Variants in LASP1 observed in about 807,000 individuals in gnomAD.
LASP1 encodes LIM and SH3 domain protein 1.
A neutral mutation model predicts 38.6 loss-of-function variants in LASP1; 10 were observed. The ratio of observed to expected loss-of-function variants is 0.26; its 90% CI spans 0.16 to 0.44. LASP1 has a LOEUF of 0.44. Ranked by LOEUF, LASP1 falls within the 20% of genes least tolerant of loss-of-function variation. LASP1 has a pLI of 1.00. For synonymous variants in LASP1, 132 were observed against 140.8 expected, an observed-to-expected ratio of 0.94 and a Z score of 0.44; for missense variants, 243 against 375.7, an observed-to-expected ratio of 0.65 and a Z score of 2.92.
chr17:38,880,347 T>G (rs933637539), intron 2 of LASP1, among the ~76,000 whole-genome samples: 7 of 152,250 alleles, frequency 4.6e-5, no homozygotes, highest in African/African-American at 1.7e-4. Flanking sequence ...TTTTACTGTC[T>G]TCTTGGGAAG....
intron 4 of LASP1, among the ~76,000 whole-genome samples, chr17:38,907,577 C>T (rs537616697): frequency 2.6e-4 from 39 of 152,214 alleles, no homozygotes; most frequent in Non-Finnish European, 4.6e-4. Flanking sequence ...CGTGTCCGGC[C>T]CATTTTTTAG....
intron 2 of LASP1, among the ~76,000 whole-genome samples, chr17:38,889,744 C>T (rs928866396): frequency 1.4e-4 from 21 of 152,184 alleles, no homozygotes; most frequent in South Asian, 2.1e-4. Context: ...ATCTGAAACA[C>T]GTCTGGTCCT....
At chr17:38,872,307 G>C (rs1458247090) in intron 1 of LASP1, among the ~76,000 whole-genome samples, 1 of 152,128 alleles carries the variant, frequency 6.6e-6, no homozygotes. Flanking sequence ...ACTCCCCTTG[G>C]AAAGACCTTC....
In LASP1 at chr17:38,907,903, A is replaced by G. The variant is rs193200073; in HGVS notation, c.358-6422A>G. On this transcript the variant is annotated intron_variant, in intron 4 of 6. Transcript: ENST00000318008. ...GGACCGCCTGGGAGCAGATGGTACC[A>G]TGGCCTTATTTACAGATGAGGAAAC... Among the ~76,000 whole-genome samples the G allele has an allele frequency of 4.9e-3, 747 of 152,310 alleles. 6 individuals carry two copies. The highest frequency in any genetic ancestry group is 0.017 in the African/African-American group (713 of 41,582).
At chr17:38,906,863 T>G (rs914306380) in intron 4 of LASP1, among the ~76,000 whole-genome samples, 2 of 152,260 alleles carry the variant, frequency 1.3e-5, no homozygotes, top group South Asian at 4.1e-4. Context: ...TGAACCCACA[T>G]GTACTTGGAC....
intron 4 of LASP1, among the ~76,000 whole-genome samples, chr17:38,908,973 T>G (rs1389618435): frequency 2.6e-5 from 4 of 152,156 alleles, no homozygotes; most frequent in Non-Finnish European, 5.9e-5. Context: ...AACAGCAGGT[T>G]TTGCCTCTCC....
At chr17:38,876,994 G>T (rs984058129) in intron 1 of LASP1, among the ~76,000 whole-genome samples, 3 of 152,102 alleles carry the variant, frequency 2.0e-5, no homozygotes, top group African/African-American at 7.2e-5. Context: ...GAGCCACCGT[G>T]CCCGGCCGTG....
chr17:38,890,886 AC>A (rs1914297245), intron 3 of LASP1, among the ~76,000 whole-genome samples: 1 of 152,108 alleles, frequency 6.6e-6, no homozygotes, highest in African/African-American at 2.4e-5. Flanking sequence ...AGGCTGGGCA[AC>A]CAACCCTCTA....
intron 1 of LASP1, among the ~76,000 whole-genome samples, chr17:38,876,176 CTTTTTTTTT>C (rs899457098): frequency 1.6e-5 from 2 of 127,630 alleles, no homozygotes. Flanking sequence ...GATCGTTTCT[CTTTTTTTTT>C]TTTTTTTTTT....
chr17:38,900,822 T>C (rs1914622471), intron 4 of LASP1, among the ~76,000 whole-genome samples: 2 of 152,204 alleles, frequency 1.3e-5, no homozygotes, highest in Non-Finnish European at 2.9e-5. Flanking sequence ...ACTCTAATCC[T>C]CCTTCCCCTC....
chr17:38,914,573 G>A (rs1915055042), intron 5 of LASP1, 98 bp downstream of exon 5: 2 of 1,406,380 alleles, frequency 1.4e-6, no homozygotes, highest in African/African-American at 1.4e-5. Flanking sequence ...ACCTTCCGGA[G>A]CCTTGCTCTT....
chr17:38,886,129 A>ACTCTCT (rs34096382), intron 2 of LASP1, among the ~76,000 whole-genome samples: 32 of 121,330 alleles, frequency 2.6e-4, no homozygotes, highest in African/African-American at 4.9e-4. Context: ...TCTCACTCTC[A>ACTCTCT]CTCTCTCTCT....
At chr17:38,907,191 T>A (rs1231799619) in intron 4 of LASP1, among the ~76,000 whole-genome samples, 1 of 152,148 alleles carries the variant, frequency 6.6e-6, no homozygotes, top group Non-Finnish European at 1.5e-5. Context: ...TTTGGAAATT[T>A]TATCCAAGTG....
intron 4 of LASP1, among the ~76,000 whole-genome samples, chr17:38,899,891 G>A (rs117814228): frequency 0.031 from 4,728 of 151,638 alleles, 114 homozygotes; most frequent in Non-Finnish European, 0.035. Context: ...CACCACCCCC[G>A]GCCAATTTTT....
chr17:38,901,951 T>A (rs575550014), intron 4 of LASP1, among the ~76,000 whole-genome samples: 1 of 152,114 alleles, frequency 6.6e-6, no homozygotes, highest in African/African-American at 2.4e-5. Flanking sequence ...GTATTTTTAG[T>A]AGAGATGGGG....
At chr17:38,876,229 A>G (rs1598103390) in intron 1 of LASP1, among the ~76,000 whole-genome samples, 1 of 135,848 alleles carries the variant, frequency 7.4e-6, no homozygotes, top group African/African-American at 2.9e-5. Context: ...CCCAGGCTGG[A>G]GTGCAGTGGC....
At chr17:38,880,616 G>T (rs1266440594) in intron 2 of LASP1, among the ~76,000 whole-genome samples, 1 of 152,204 alleles carries the variant, frequency 6.6e-6, no homozygotes, top group Admixed American at 6.5e-5. Flanking sequence ...GAGAGACCTG[G>T]GGGCTTTGTG....
At chr17:38,879,484 CTT>C (rs557810033) in intron 2 of LASP1, among the ~76,000 whole-genome samples, 3 of 143,684 alleles carry the variant, frequency 2.1e-5, no homozygotes, top group Non-Finnish European at 1.5e-5. Context: ...TTAATTTTAA[CTT>C]TTTTTTTTTT....
At chr17:38,892,538 G>A (rs1007374225) in intron 3 of LASP1, among the ~76,000 whole-genome samples, 23 of 148,732 alleles carry the variant, frequency 1.5e-4, no homozygotes, top group African/African-American at 5.8e-4. Context: ...GGAGCAGATA[G>A]CAGGTCTTTG....
Sources: gnomAD v4.1 joint callset for allele counts (sites outside exome capture counted in the v4.1 genomes callset) on GRCh38, gnomAD v4.1.1 for gene constraint, MANE v1.5 for transcripts, NCBI Gene and HGNC (gene_info 2026-07-23, HGNC 2026-07-21) for gene names.